TTLL6: variants seen among roughly 807,000 people sequenced by gnomAD.
TTLL6 encodes the protein tubulin tyrosine ligase like 6, also known as tubulin polyglutamylase TTLL6.
A neutral mutation model predicts 96.4 loss-of-function variants in TTLL6; 75 were observed. That is an observed-to-expected ratio of 0.78 (90% CI 0.65 to 0.94). The LOEUF (loss-of-function observed/expected upper bound fraction) is 0.94. TTLL6 is among the 40% of genes least tolerant of loss of function. TTLL6 has a pLI of 0.00. For missense variants in TTLL6, 1,030 were observed against 1,093.0 expected, an observed-to-expected ratio of 0.94 and a Z score of 0.81; for synonymous variants, 411 against 419.4, an observed-to-expected ratio of 0.98 and a Z score of 0.24.
intron 8 of TTLL6, chr17:48,794,243 G>A (rs367726108): frequency 1.2e-5 from 19 of 1,613,936 alleles, no homozygotes; most frequent in African/African-American, 6.7e-5. Flanking sequence ...CATCACAGCC[G>A]AGGGCCCAGG....
At chr17:48,804,474 C>T (rs1404788536) in intron 2 of TTLL6, 3 of 551,198 alleles carry the variant, frequency 5.4e-6, no homozygotes, top group South Asian at 1.5e-5. Flanking sequence ...CAAATCAGCG[C>T]CTTCTTAAAA....
Position 48,785,513 on chromosome 17 carries a change from C to T in TTLL6, c.1762-312G>A, listed in dbSNP as rs569386452. Among the ~76,000 whole-genome samples the T allele has an allele frequency of 1.2e-4, 18 of 152,194 alleles. No homozygotes were observed. The East Asian group carries it at 1.7e-3, about 15-fold the overall frequency. ...GTGACCCTAACAAAGTTGAATAATA[C>T]GAAACAAAAATCCCTGCTCTAATCC... On this transcript the variant is annotated intron_variant, in intron 12 of 15. Coordinates refer to ENST00000393382, the MANE Select transcript of TTLL6 (RefSeq NM_001130918.3).
At chr17:48,809,877 C>T (rs1435323384) in intron 1 of TTLL6, among the ~76,000 whole-genome samples, 2 of 151,802 alleles carry the variant, frequency 1.3e-5, no homozygotes, top group African/African-American at 2.4e-5. Context: ...AGGCCGGGCG[C>T]GGTGGCTCAT....
chr17:48,765,327 G>A (rs1451563252), intron 15 of TTLL6, among the ~76,000 whole-genome samples: 13 of 152,038 alleles, frequency 8.6e-5, no homozygotes, highest in East Asian at 3.9e-4. Context: ...CAGGAGGATC[G>A]TTTGAGCCCT....
chr17:48,781,116 T>C (rs972855463), intron 13 of TTLL6, among the ~76,000 whole-genome samples: 2 of 151,980 alleles, frequency 1.3e-5, no homozygotes, highest in African/African-American at 4.8e-5. Context: ...GGCGCGATCT[T>C]GGCTCACTGT....
intron 6 of TTLL6, among the ~76,000 whole-genome samples, chr17:48,799,210 T>C (rs1597993049): frequency 6.6e-6 from 1 of 152,348 alleles, no homozygotes; most frequent in East Asian, 1.9e-4. Context: ...TCCCCCTCTG[T>C]CCACACTCCT....
At position 48,779,353 on chromosome 17, in the gene TTLL6, CAAAAAA is replaced by C. The variant is rs35763170; in HGVS notation, c.2040+5564_2040+5569del. On this transcript the variant is annotated intron_variant, in intron 13 of 15. Transcript: ENST00000393382. ...TGGGCAACAGAGCAAGACTCTGTCT[CAAAAAA>C]AAAAAAAAAAAAAAAAAAAGACAGA... Among the ~76,000 whole-genome samples, 15 of 46,258 alleles carry C rather than the reference CAAAAAA, an allele frequency of 3.2e-4. 1 individual carries two copies. The highest frequency in any genetic ancestry group is 2.1e-3 in the Admixed American group (7 of 3,302). 30.3% of individuals were successfully genotyped at this position (46,258 alleles called of 152,430 possible).
At chr17:48,811,849 C>A (rs1254607114) in intron 1 of TTLL6, among the ~76,000 whole-genome samples, 1 of 152,116 alleles carries the variant, frequency 6.6e-6, no homozygotes, top group Non-Finnish European at 1.5e-5. Flanking sequence ...AGGCACCTGT[C>A]ACCATGCCGG....
chr17:48,803,924 C>T lies in TTLL6; in HGVS notation c.328G>A (p.Val110Met), dbSNP rs1157756576. The change falls in exon 3 of 16, where the codon GTG (valine) becomes ATG (methionine). Residue 110 changes from valine to methionine, a missense_variant. Transcript: ENST00000393382. ...TACCGGCAGCTGGATAGATTGATCA[C>T]CAATCATCTGGAAAAGAGAAAAAGG... The part of the protein sequence containing the change: ...GKKKRKKKRL[V>M]INLSSCRYES... 1.3e-6 allele frequency: 2 copies of T among 1,551,782 alleles called. No individual in the cohort carries two copies. Among genetic ancestry groups the T allele is most frequent in the Non-Finnish European group, 1.7e-6 (2 of 1,147,058 alleles).
intron 1 of TTLL6, 70 bp from the exon 2 acceptor site, chr17:48,805,061 G>T: frequency 8.0e-7 from 1 of 1,243,928 alleles, no homozygotes; most frequent in South Asian, 1.3e-5. Context: ...CCTCGCTCAT[G>T]TGGGTAGAGA....
intron 15 of TTLL6, among the ~76,000 whole-genome samples, chr17:48,764,673 G>A (rs574206451): frequency 2.0e-5 from 3 of 152,114 alleles, no homozygotes; most frequent in Admixed American, 6.6e-5. Context: ...ATTCTGCTCC[G>A]TCTGCAAATC....
At chr17:48,779,044 T>G (rs2038937279) in intron 13 of TTLL6, among the ~76,000 whole-genome samples, 1 of 151,544 alleles carries the variant, frequency 6.6e-6, no homozygotes, top group Non-Finnish European at 1.5e-5. Context: ...GAGGTTGCAG[T>G]GAGCTATGAT....
rs2039311845 is a variant in TTLL6, at chr17:48,796,093, AT to A, written c.965del (p.Asn322IlefsTer104). The A allele has an allele frequency of 6.4e-7, 1 of 1,551,538 alleles. No homozygotes were observed. Among genetic ancestry groups the A allele is most frequent in the African/African-American group, 1.4e-5 (1 of 73,168 alleles). On this transcript the variant is annotated frameshift_variant, in exon 8 of 16. Coordinates refer to ENST00000393382, the MANE Select transcript of TTLL6 (RefSeq NM_001130918.3). LOFTEE classifies it high-confidence loss of function. ...TNYSINKHSS[N>X]FSRDAHSGSK... ...TGCCAGAGTGTGCATCTCGACTGAAATTTGAACTGTGCTTATTAATGGAATA... is the reference window on the plus strand; with the variant it reads ...TGCCAGAGTGTGCATCTCGACTGAAATTGAACTGTGCTTATTAATGGAATA...
At chr17:48,804,234 T>C (rs1335427124) in intron 2 of TTLL6, 2 of 557,468 alleles carry the variant, frequency 3.6e-6, no homozygotes, top group Non-Finnish European at 6.8e-6. Context: ...CACTGGCTCA[T>C]CAGGGACAGG....
chr17:48,813,087 G>C (rs2039617706), intron 1 of TTLL6, among the ~76,000 whole-genome samples: 2 of 152,114 alleles, frequency 1.3e-5, no homozygotes, highest in Non-Finnish European at 2.9e-5. Flanking sequence ...GAGAGACTAA[G>C]GTAAGAGGCA....
chr17:48,814,806 A>G (rs1490696623), intron 1 of TTLL6, among the ~76,000 whole-genome samples: 2 of 151,498 alleles, frequency 1.3e-5, no homozygotes, highest in African/African-American at 2.4e-5. Context: ...TTTCTTTCAA[A>G]CTCCAGCCTG....
At chr17:48,778,109 T>C (rs2038913958) in intron 13 of TTLL6, among the ~76,000 whole-genome samples, 3 of 150,856 alleles carry the variant, frequency 2.0e-5, no homozygotes, top group Admixed American at 6.6e-5. Context: ...AAACCCCGTC[T>C]CTACTAAAAA....
At chr17:48,782,413 C>T (rs1399600757) in intron 13 of TTLL6, among the ~76,000 whole-genome samples, 2 of 152,186 alleles carry the variant, frequency 1.3e-5, no homozygotes, top group Non-Finnish European at 2.9e-5. Flanking sequence ...CCTTGGCCTC[C>T]CAAAGTGCTG....
intron 8 of TTLL6, chr17:48,794,425 C>G: frequency 1.4e-5 from 20 of 1,409,890 alleles, no homozygotes; most frequent in Non-Finnish European, 1.8e-5. Context: ...GGCAGGGAGT[C>G]TCATCACGTT....
Sources: allele counts gnomAD v4.1 joint callset (sites outside exome capture counted in the v4.1 genomes callset), GRCh38; gene constraint gnomAD v4.1.1; transcripts MANE v1.5; gene names NCBI Gene and HGNC (gene_info 2026-07-23, HGNC 2026-07-21).